GRIP1: variants seen among roughly 807,000 people sequenced by gnomAD.
GRIP1 encodes the protein glutamate receptor-interacting protein 1.
GRIP1 carries 45 observed loss-of-function variants against 129.9 expected under a neutral mutation model. That is an observed-to-expected ratio of 0.35 (90% CI 0.27 to 0.44). GRIP1 has a LOEUF of 0.44. GRIP1 is among the 20% of genes least tolerant of loss of function. GRIP1 has a pLI of 1.00. For synonymous variants in GRIP1, 530 were observed against 520.8 expected (o/e 1.02, Z -0.24); for missense variants, 1,196 against 1,396.8 (o/e 0.86, Z 2.29).
rs926459969 is a variant in GRIP1 at position 66,954,182 on chromosome 12, C to G, written c.58+114868G>C. ...TCCATCTAAATCCCTTCTGTCTCATCTCTTCCCTTCTGCTAATTCTTTTCC... is the reference window on the plus strand; with the variant it reads ...TCCATCTAAATCCCTTCTGTCTCATGTCTTCCCTTCTGCTAATTCTTTTCC... On this transcript the variant is annotated intron_variant, in intron 1 of 1. Coordinates refer to the GRIP1 transcript ENST00000643019. Among the ~76,000 whole-genome samples, 6 of 152,328 alleles carry G rather than the reference C, an allele frequency of 3.9e-5. No homozygotes were observed. In the South Asian group the frequency reaches 8.3e-4, roughly 21 times the overall value.
chr12:66,912,498 T>C (rs758691788), intron 1 of GRIP1, among the ~76,000 whole-genome samples: 31 of 152,094 alleles, frequency 2.0e-4, no homozygotes, highest in Middle Eastern at 3.2e-3. Flanking sequence ...CATGAAAAAA[T>C]ATTCAATTAT....
chr12:66,351,669 CA>C, intron 24 of GRIP1, among the ~76,000 whole-genome samples: 1 of 150,912 alleles, frequency 6.6e-6, no homozygotes, highest in Non-Finnish European at 1.5e-5. Flanking sequence ...TAAATTCTAC[CA>C]AAAGCAAAAG....
chr12:66,478,090 C>T (rs2059679227), intron 7 of GRIP1, among the ~76,000 whole-genome samples: 1 of 152,170 alleles, frequency 6.6e-6, no homozygotes. Context: ...AGTGAAAAGG[C>T]AACCTACAGA....
At chr12:66,556,942 A>C (rs2062356581) in intron 2 of GRIP1, among the ~76,000 whole-genome samples, 1 of 152,100 alleles carries the variant, frequency 6.6e-6, no homozygotes, top group African/African-American at 2.4e-5. Context: ...ACAACCACAA[A>C]ACTAATAACA....
At chr12:66,387,935 C>T (rs2056423854) in intron 19 of GRIP1, among the ~76,000 whole-genome samples, 1 of 152,110 alleles carries the variant, frequency 6.6e-6, no homozygotes, top group East Asian at 1.9e-4. Flanking sequence ...CAGTTATCAT[C>T]CTTATGAAAA....
chr12:66,525,289 C>G (rs1175441195), intron 5 of GRIP1, among the ~76,000 whole-genome samples: 1 of 151,386 alleles, frequency 6.6e-6, no homozygotes, highest in Admixed American at 6.6e-5. Flanking sequence ...CAATAAAATA[C>G]TGGCAAACCA....
At chr12:66,936,906 G>A (rs957546848) in intron 1 of GRIP1, among the ~76,000 whole-genome samples, 1 of 152,150 alleles carries the variant, frequency 6.6e-6, no homozygotes, top group Admixed American at 6.5e-5. Context: ...GCTTGACGTT[G>A]GGAAAGCCAC....
intron 13 of GRIP1, among the ~76,000 whole-genome samples, chr12:66,439,857 T>C (rs1405176841): frequency 6.6e-6 from 1 of 152,174 alleles, no homozygotes; most frequent in Non-Finnish European, 1.5e-5. Context: ...ATCTAATCCT[T>C]CATTTTCTCT....
intron 1 of GRIP1, among the ~76,000 whole-genome samples, chr12:67,015,590 G>C (rs2042774056): frequency 6.6e-6 from 1 of 152,168 alleles, no homozygotes; most frequent in Admixed American, 6.6e-5. Flanking sequence ...ATCTGAAATG[G>C]AGAGAGTGAG....
At chr12:66,904,223 TTAG>T (rs2040890597) in intron 1 of GRIP1, among the ~76,000 whole-genome samples, 1 of 152,218 alleles carries the variant, frequency 6.6e-6, no homozygotes, top group South Asian at 2.1e-4. Flanking sequence ...TAGTATAATC[TTAG>T]TAGAGACGTT....
At chr12:66,860,812 C>G (rs1025657899) in intron 1 of GRIP1, among the ~76,000 whole-genome samples, 2 of 152,004 alleles carry the variant, frequency 1.3e-5, no homozygotes, top group African/African-American at 4.8e-5. Context: ...TTTATAAGCA[C>G]CAGATAGACC....
intron 1 of GRIP1, among the ~76,000 whole-genome samples, chr12:66,984,410 TCAA>T (rs1844701139): frequency 6.6e-6 from 1 of 152,214 alleles, no homozygotes; most frequent in Non-Finnish European, 1.5e-5. Flanking sequence ...TTGATTGCTC[TCAA>T]CAAATCTTTA....
chr12:67,003,166 C>CTTT, intron 1 of GRIP1, among the ~76,000 whole-genome samples: 1 of 152,094 alleles, frequency 6.6e-6, no homozygotes, highest in African/African-American at 2.4e-5. Context: ...AATGTATCAT[C>CTTT]TCACCCTCTT....
At chr12:66,383,187 C>T (rs1187211387) in intron 19 of GRIP1, among the ~76,000 whole-genome samples, 3 of 152,048 alleles carry the variant, frequency 2.0e-5, no homozygotes, top group Non-Finnish European at 2.9e-5. Flanking sequence ...GTTTCAGCTA[C>T]TCTGGAGGCT....
intron 1 of GRIP1, among the ~76,000 whole-genome samples, chr12:67,017,661 CAT>C (rs946733472): frequency 1.3e-5 from 2 of 152,180 alleles, no homozygotes; most frequent in Middle Eastern, 6.8e-3. Flanking sequence ...CTGGAAGTAA[CAT>C]GGTGTTGGCC....
chr12:66,746,420 G>C lies in GRIP1; in HGVS notation c.-420+57633C>G, dbSNP rs149821326. On this transcript the variant is annotated intron_variant, in intron 1 of 4. Coordinates refer to the GRIP1 transcript ENST00000538373. ...GAATCTTAGGTGGCACTTCAGACCT[G>C]TTCATTCAGAATCTGCAGTTCATTA... Among the ~76,000 whole-genome samples, 929 of 152,288 alleles carry C rather than the reference G, an allele frequency of 6.1e-3. 10 individuals carry two copies. Among genetic ancestry groups the C allele is most frequent in the African/African-American group, 0.021 (884 of 41,556 alleles).
At chr12:66,750,374 T>C (rs182710291) in intron 1 of GRIP1, among the ~76,000 whole-genome samples, 2 of 152,170 alleles carry the variant, frequency 1.3e-5, no homozygotes, top group Non-Finnish European at 2.9e-5. Flanking sequence ...CCTCCTCTTT[T>C]GTGTGTCCCC....
chr12:66,753,970 C>T (rs749355940), intron 1 of GRIP1, among the ~76,000 whole-genome samples: 2 of 152,200 alleles, frequency 1.3e-5, no homozygotes, highest in Non-Finnish European at 2.9e-5. Context: ...ATTCAATTCA[C>T]ACTTGAATGT....
chr12:66,400,852 G>A (rs1204901084), intron 16 of GRIP1, among the ~76,000 whole-genome samples: 1 of 152,204 alleles, frequency 6.6e-6, no homozygotes, highest in Admixed American at 6.5e-5. Flanking sequence ...CTTTGCTTCA[G>A]GGTTTCCTCT....
Sources: allele counts gnomAD v4.1 joint callset (sites outside exome capture counted in the v4.1 genomes callset), GRCh38; gene constraint gnomAD v4.1.1; transcripts MANE v1.5; gene names NCBI Gene and HGNC (gene_info 2026-07-23, HGNC 2026-07-21).